The following RAPH1 variants were observed in gnomAD, a reference collection of about 807,000 sequenced individuals.
RAPH1 encodes the protein ras-associated and pleckstrin homology domains-containing protein 1.
A neutral mutation model predicts 88.1 loss-of-function variants in RAPH1; 18 were observed. That is an observed-to-expected ratio of 0.20 (90% confidence interval 0.14 to 0.30). RAPH1 has a LOEUF of 0.30. Among genes scored for constraint, RAPH1 ranks in the 10% least tolerant of loss-of-function variants. RAPH1 has a pLI of 1.00. For missense variants in RAPH1, 1,448 were observed against 1,543.2 expected (o/e 0.94, Z 1.03); for synonymous variants, 587 against 559.0 (o/e 1.05, Z -0.71).
chr2:203,506,749 T>TATATATCTAG (rs1689032411), intron 1 of RAPH1, among the ~76,000 whole-genome samples: 1 of 127,346 alleles, frequency 7.9e-6, no homozygotes, highest in Non-Finnish European at 1.5e-5. Context: ...TATCTATATA[T>TATATATCTAG]ATATATATCT....
chr2:203,510,407 AG>A (rs540222081), intron 1 of RAPH1, among the ~76,000 whole-genome samples: 78 of 152,048 alleles, frequency 5.1e-4, no homozygotes, highest in African/African-American at 1.8e-3. Context: ...CCCTTACCAA[AG>A]GCTGTAGTAG....
At chr2:203,481,250 G>A (rs1170874009) in intron 4 of RAPH1, among the ~76,000 whole-genome samples, 1 of 152,100 alleles carries the variant, frequency 6.6e-6, no homozygotes, top group Non-Finnish European at 1.5e-5. Flanking sequence ...GAAGTAGCAT[G>A]ATATGGTGGT....
chr2:203,485,191 G>C (rs1389277467), intron 4 of RAPH1, among the ~76,000 whole-genome samples: 3 of 152,066 alleles, frequency 2.0e-5, no homozygotes, highest in Non-Finnish European at 4.4e-5. Context: ...ATCACTTGAG[G>C]TCAGGAGTTC....
intron 1 of RAPH1, among the ~76,000 whole-genome samples, chr2:203,508,415 G>A (rs1462723088): frequency 2.0e-5 from 3 of 151,992 alleles, no homozygotes; most frequent in Non-Finnish European, 4.4e-5. Flanking sequence ...TTACAGGCGT[G>A]AGCCACCACG....
chr2:203,434,647 G>A lies in RAPH1; in HGVS notation c.*4790C>T, dbSNP rs1239957710. 3 of 152,004 alleles carry A rather than the reference G, an allele frequency of 2.0e-5. No individual in the cohort carries two copies. The highest frequency in any genetic ancestry group is 7.3e-5 in the African/African-American group (3 of 41,336). The allele number at this position is 152,004 out of a possible 1,614,324, so 9.4% of individuals were successfully genotyped here. On this transcript the variant is annotated 3_prime_UTR_variant, in exon 14 of 14. Transcript: ENST00000319170. Reference sequence around the variant, plus strand: ...GGTATTAGGTTACAATAAATTTAACGAATGGACAGTTTGCAAAATATAAGG... The same window carrying A: ...GGTATTAGGTTACAATAAATTTAACAAATGGACAGTTTGCAAAATATAAGG...
chr2:203,532,189 G>A (rs1405750602), intron 1 of RAPH1, among the ~76,000 whole-genome samples: 1 of 152,044 alleles, frequency 6.6e-6, no homozygotes, highest in African/African-American at 2.4e-5. Context: ...GGAGGGAAGT[G>A]GATAGTTACT....
rs2098499644 is a variant in RAPH1 at position 203,437,741 on chromosome 2, A to C, written c.*1696T>G. 1 of 183,064 alleles carries C rather than the reference A, an allele frequency of 5.5e-6. No individual in the cohort carries two copies. The highest frequency in any genetic ancestry group is 1.1e-5 in the Non-Finnish European group (1 of 88,536). The allele number at this position is 183,064 out of a possible 1,614,324, so 11.3% of individuals were successfully genotyped here. On this transcript the variant is annotated 3_prime_UTR_variant, in exon 14 of 14. Coordinates refer to ENST00000319170, the MANE Select transcript of RAPH1 (RefSeq NM_213589.3). ...CTGTACTAATTAAGCACTTTTGCTC[A>C]TTCTAGAATTATTTACCATCTCTTC...
chr2:203,527,387 T>A (rs1006953537), intron 1 of RAPH1, among the ~76,000 whole-genome samples: 47 of 152,284 alleles, frequency 3.1e-4, no homozygotes, highest in Non-Finnish European at 3.7e-4. Flanking sequence ...TAGTAATTAC[T>A]ATCTTTAATA....
intron 1 of RAPH1, among the ~76,000 whole-genome samples, chr2:203,506,846 CTATCTATATCTATATATATATA>C (rs1689079949): frequency 1.5e-5 from 1 of 66,482 alleles, no homozygotes; most frequent in African/African-American, 1.1e-4. Context: ...ATCTATATAT[CTATCTATATCTATATATATATA>C]TATATATATA....
At chr2:203,530,648 T>C (rs562758274) in intron 1 of RAPH1, among the ~76,000 whole-genome samples, 2 of 152,274 alleles carry the variant, frequency 1.3e-5, no homozygotes, top group African/African-American at 2.4e-5. Flanking sequence ...TCCCAGCACT[T>C]TGGGAAGCCG....
At chr2:203,518,119 T>C (rs759750298) in intron 1 of RAPH1, among the ~76,000 whole-genome samples, 2 of 152,084 alleles carry the variant, frequency 1.3e-5, no homozygotes, top group Non-Finnish European at 2.9e-5. Context: ...GATAAGCTTC[T>C]AGGTAGCTTA....
At chr2:203,509,216 G>A (rs868342044) in intron 1 of RAPH1, among the ~76,000 whole-genome samples, 1 of 151,546 alleles carries the variant, frequency 6.6e-6, no homozygotes, top group Non-Finnish European at 1.5e-5. Flanking sequence ...GATTACAGGT[G>A]CACACCACCA....
intron 4 of RAPH1, among the ~76,000 whole-genome samples, chr2:203,478,823 C>T (rs1024746872): frequency 6.6e-6 from 1 of 152,190 alleles, no homozygotes; most frequent in Non-Finnish European, 1.5e-5. Flanking sequence ...TTATCCCTTA[C>T]ACCCCACCAC....
chr2:203,449,394 A>C (rs1163276279), intron 10 of RAPH1, among the ~76,000 whole-genome samples: 1 of 152,120 alleles, frequency 6.6e-6, no homozygotes, highest in African/African-American at 2.4e-5. Flanking sequence ...CTCTCTACCA[A>C]ACTGCAGGGC....
At chr2:203,459,195 A>G (rs941435422) in intron 7 of RAPH1, among the ~76,000 whole-genome samples, 5 of 152,212 alleles carry the variant, frequency 3.3e-5, no homozygotes, top group African/African-American at 1.2e-4. Context: ...AACTGCCTAC[A>G]AAAAGATCTG....
chr2:203,518,617 G>C (rs562232261), intron 1 of RAPH1, among the ~76,000 whole-genome samples: 3 of 151,654 alleles, frequency 2.0e-5, no homozygotes, highest in African/African-American at 7.3e-5. Flanking sequence ...GAGGCCAAGC[G>C]GGAGGATTGC....
At chr2:203,528,452 T>C (rs1399091242) in intron 1 of RAPH1, among the ~76,000 whole-genome samples, 9 of 152,204 alleles carry the variant, frequency 5.9e-5, no homozygotes, top group Non-Finnish European at 1.3e-4. Context: ...ACAAACTTTG[T>C]ACTAGCCCAA....
intron 10 of RAPH1, among the ~76,000 whole-genome samples, chr2:203,450,367 G>A (rs2153637359): frequency 6.6e-6 from 1 of 152,266 alleles, no homozygotes; most frequent in African/African-American, 2.4e-5. Context: ...TCAACAATAA[G>A]AGGTTAGCAA....
chr2:203,516,484 T>C (rs1269243268), intron 1 of RAPH1, among the ~76,000 whole-genome samples: 1 of 152,234 alleles, frequency 6.6e-6, no homozygotes, highest in Non-Finnish European at 1.5e-5. Flanking sequence ...GCGTGATGGC[T>C]CACGCCTGTA....
Sources: gnomAD v4.1 joint callset for allele counts (sites outside exome capture counted in the v4.1 genomes callset) on GRCh38, gnomAD v4.1.1 for gene constraint, MANE v1.5 for transcripts, NCBI Gene and HGNC (gene_info 2026-07-23, HGNC 2026-07-21) for gene names.